The following RAB3C variants were observed in gnomAD, a reference collection of about 807,000 sequenced individuals.
RAB3C encodes the protein ras-related protein Rab-3C.
A neutral mutation model predicts 26.4 loss-of-function variants in RAB3C; 17 were observed. That is an observed-to-expected ratio of 0.64 (90% CI 0.44 to 0.97). The LOEUF (loss-of-function observed/expected upper bound fraction) is 0.97. Ranked by LOEUF, RAB3C falls within the 50% of genes least tolerant of loss-of-function variation. The pLI is 0.00. For synonymous variants in RAB3C, 91 were observed against 95.9 expected (o/e 0.95, Z 0.30); for missense variants, 242 against 281.9 (o/e 0.86, Z 1.01).
intron 3 of RAB3C, among the ~76,000 whole-genome samples, chr5:58,787,854 T>A (rs1742426443): frequency 6.6e-6 from 1 of 152,244 alleles, no homozygotes; most frequent in Non-Finnish European, 1.5e-5. Context: ...GATTCTCAGC[T>A]GTCCTAACTC....
At chr5:58,824,275 T>TAA (rs57887799) in intron 3 of RAB3C, among the ~76,000 whole-genome samples, 5 of 149,942 alleles carry the variant, frequency 3.3e-5, no homozygotes, top group African/African-American at 1.2e-4. Flanking sequence ...TAAGCAGGTT[T>TAA]AAAAAAAAAA....
At chr5:58,620,457 A>G (rs530930766) in intron 2 of RAB3C, among the ~76,000 whole-genome samples, 2 of 152,340 alleles carry the variant, frequency 1.3e-5, no homozygotes, top group South Asian at 2.1e-4. Flanking sequence ...AACTTGTAGT[A>G]TAGTTAGAAA....
chr5:58,666,560 A>G (rs1748006224), intron 2 of RAB3C, among the ~76,000 whole-genome samples: 1 of 152,208 alleles, frequency 6.6e-6, no homozygotes, highest in Admixed American at 6.5e-5. Context: ...AGCATGCAAA[A>G]GATATTGAAT....
chr5:58,765,007 G>A (rs756736555), intron 3 of RAB3C, among the ~76,000 whole-genome samples: 10 of 152,060 alleles, frequency 6.6e-5, no homozygotes, highest in Non-Finnish European at 1.0e-4. Context: ...AAAGACTGAT[G>A]TATTTGTGAA....
chr5:58,669,944 G>A (rs1033892547), intron 2 of RAB3C, among the ~76,000 whole-genome samples: 2 of 152,056 alleles, frequency 1.3e-5, no homozygotes, highest in African/African-American at 2.4e-5. Flanking sequence ...ATCTTGTTTC[G>A]CTCTCATTCC....
At chr5:58,630,750 C>T (rs902122409) in intron 2 of RAB3C, among the ~76,000 whole-genome samples, 1 of 152,182 alleles carries the variant, frequency 6.6e-6, no homozygotes, top group African/African-American at 2.4e-5. Flanking sequence ...ACTTTAGGAA[C>T]CTTCAGACCA....
intron 3 of RAB3C, among the ~76,000 whole-genome samples, chr5:58,766,880 C>A (rs972302662): frequency 1.1e-4 from 17 of 152,188 alleles, no homozygotes; most frequent in Admixed American, 7.9e-4. Context: ...CTGGCAGAAG[C>A]TGATTCCAAA....
intron 1 of RAB3C, among the ~76,000 whole-genome samples, chr5:58,616,629 C>T (rs1223977353): frequency 6.6e-6 from 1 of 152,138 alleles, no homozygotes; most frequent in Admixed American, 6.6e-5. Flanking sequence ...CTTTACATAT[C>T]GCTTTACAGC....
At chr5:58,779,503 GTCT>G (rs1742224839) in intron 3 of RAB3C, among the ~76,000 whole-genome samples, 1 of 151,850 alleles carries the variant, frequency 6.6e-6, no homozygotes, top group Admixed American at 6.6e-5. Context: ...TCCTGTCACA[GTCT>G]TCCAAGTAGC....
At position 58,652,077 on chromosome 5, in the gene RAB3C, C is replaced by A. The variant is rs148554041; in HGVS notation, c.252+34207C>A. Among the ~76,000 whole-genome samples, 24 of 152,094 alleles carry A rather than the reference C, an allele frequency of 1.6e-4. No individual in the cohort carries two copies. The East Asian group carries it at 3.5e-3, about 22-fold the overall frequency. ...AGAACTGATGGATCTGGAGGGCAGGCTGTAATTCTAAGGGTGATAAGTGCT... is the reference window on the plus strand; with the variant it reads ...AGAACTGATGGATCTGGAGGGCAGGATGTAATTCTAAGGGTGATAAGTGCT... On this transcript the variant is annotated intron_variant, in intron 2 of 4. Transcript: ENST00000282878.
intron 2 of RAB3C, among the ~76,000 whole-genome samples, chr5:58,682,632 CG>C (rs1158830377): frequency 6.7e-6 from 1 of 150,270 alleles, no homozygotes; most frequent in African/African-American, 2.5e-5. Flanking sequence ...TGCAGTGAGC[CG>C]GGATCGTGCC....
intron 3 of RAB3C, among the ~76,000 whole-genome samples, chr5:58,813,437 C>G (rs1228068972): frequency 6.6e-6 from 1 of 151,784 alleles, no homozygotes; most frequent in Non-Finnish European, 1.5e-5. Context: ...CACTGCTGCT[C>G]CCCAATGGAT....
At chr5:58,733,974 T>C (rs1364290940) in intron 3 of RAB3C, among the ~76,000 whole-genome samples, 1 of 152,214 alleles carries the variant, frequency 6.6e-6, no homozygotes, top group Non-Finnish European at 1.5e-5. Flanking sequence ...CTCTCTTATT[T>C]ATTTACATTC....
intron 1 of RAB3C, among the ~76,000 whole-genome samples, chr5:58,587,339 G>A (rs1032755970): frequency 2.0e-5 from 3 of 152,032 alleles, no homozygotes; most frequent in Non-Finnish European, 2.9e-5. Context: ...CACTCAACTC[G>A]CTAAATACAA....
intron 4 of RAB3C, among the ~76,000 whole-genome samples, chr5:58,845,136 G>A (rs159748): frequency 0.41 from 61,788 of 151,968 alleles, 13,957 homozygotes; most frequent in Middle Eastern, 0.62. Context: ...CTCTTCAAGC[G>A]CCAGAGTGAC....
At chr5:58,634,271 G>T (rs1256305253) in intron 2 of RAB3C, among the ~76,000 whole-genome samples, 1 of 152,136 alleles carries the variant, frequency 6.6e-6, no homozygotes, top group Admixed American at 6.5e-5. Context: ...TCACACCATT[G>T]AAAAGTTTAA....
intron 3 of RAB3C, among the ~76,000 whole-genome samples, chr5:58,752,053 T>C (rs982431670): frequency 1.4e-5 from 2 of 146,110 alleles, no homozygotes; most frequent in Admixed American, 6.7e-5. Context: ...ACAAAATTAT[T>C]ACAGAGATGC....
chr5:58,838,277 G>T (rs1008620391), intron 4 of RAB3C, among the ~76,000 whole-genome samples: 1 of 151,888 alleles, frequency 6.6e-6, no homozygotes, highest in Admixed American at 6.5e-5. Context: ...CTACTCGGGA[G>T]GCTGAGGCAG....
chr5:58,610,119 G>C (rs6861930), intron 1 of RAB3C, among the ~76,000 whole-genome samples: 73,428 of 151,492 alleles, frequency 0.48, 18,103 homozygotes, highest in Non-Finnish European at 0.52. Flanking sequence ...ATGCTAACTT[G>C]AAATGTTTTC....
Sources: gnomAD v4.1 joint callset for allele counts (sites outside exome capture counted in the v4.1 genomes callset) on GRCh38, gnomAD v4.1.1 for gene constraint, MANE v1.5 for transcripts, NCBI Gene and HGNC (gene_info 2026-07-23, HGNC 2026-07-21) for gene names.